Variants in DNAJB12 observed in about 807,000 individuals in gnomAD.
The protein encoded by DNAJB12 is DnaJ heat shock protein family (Hsp40) member B12.
In DNAJB12, 14 loss-of-function variants were observed where a neutral mutation model predicts 40.6. The observed-to-expected ratio is 0.34, with a 90% CI of 0.23 to 0.54. The LOEUF (loss-of-function observed/expected upper bound fraction) is 0.54. DNAJB12 is among the 20% of genes least tolerant of loss of function. The pLI, the probability that DNAJB12 is intolerant of heterozygous loss-of-function variation, is 0.92. For missense variants in DNAJB12, 444 were observed against 501.7 expected, an observed-to-expected ratio of 0.89 and a Z score of 1.10; for synonymous variants, 181 against 199.5, an observed-to-expected ratio of 0.91 and a Z score of 0.78.
At chr10:72,351,161 A>G (rs1053183343) in intron 1 of DNAJB12, among the ~76,000 whole-genome samples, 2 of 152,110 alleles carry the variant, frequency 1.3e-5, no homozygotes, top group African/African-American at 4.8e-5. Flanking sequence ...CACCTTCCAC[A>G]TTTGTTACAA....
At position 72,354,846 on chromosome 10, in the gene DNAJB12, CCTTGAGGGCGATGCTGATACAGCG is replaced by C. The variant is rs1564826113; in HGVS notation, c.28_51del (p.Arg10_Lys17del). On this transcript the variant is annotated inframe_deletion, in exon 1 of 9. Transcript: ENST00000444643. ...CGGTCGGGCTGGTTGCTCTGGATGG[CCTTGAGGGCGATGCTGATACAGCG>C]CTCAGCTTCATCCTTGTTGGATTCC... 6.2e-7 allele frequency: 1 copy of C among 1,614,114 alleles called. No individual in the cohort carries two copies. Among genetic ancestry groups the C allele is most frequent in the South Asian group, 1.1e-5 (1 of 91,086 alleles).
Position 72,340,868 on chromosome 10 carries a change from C to G in DNAJB12, c.644G>C (p.Ser215Thr). The G allele has an allele frequency of 6.2e-7, 1 of 1,613,966 alleles. No homozygotes were observed. The highest frequency in any genetic ancestry group is 8.5e-7 in the Non-Finnish European group (1 of 1,179,926). ...NMFFGGGFPSSNVHVYSNGRM... is the reference protein window; with the variant it reads ...NMFFGGGFPSTNVHVYSNGRM... Reference sequence around the variant, plus strand: ...GCCGTTGCTGTAGACGTGGACGTTACCTGGGGGTCAGAGGGGCTGAGTCAG... The same window carrying G: ...GCCGTTGCTGTAGACGTGGACGTTAGCTGGGGGTCAGAGGGGCTGAGTCAG... Residue 215 changes from serine to threonine, a missense_variant and splice_region_variant, in exon 5 of 9, where the codon AGT (serine) becomes ACT (threonine). Ser to Thr is a moderately conservative substitution (Grantham distance 58). Transcript: ENST00000444643.
At position 72,342,390 on chromosome 10, in the gene DNAJB12, C is replaced by T. The variant is rs562605184; in HGVS notation, c.457+976G>A. On this transcript the variant is annotated intron_variant, in intron 3 of 8. Coordinates refer to ENST00000444643, the MANE Select transcript of DNAJB12 (RefSeq NM_017626.7). Reference sequence around the variant, plus strand: ...ATAAGGAGCGCGGAATCGTCTCCTCCGCCAATTCTGAATAGGCCTCAAGGC... The same window carrying T: ...ATAAGGAGCGCGGAATCGTCTCCTCTGCCAATTCTGAATAGGCCTCAAGGC... Among the ~76,000 whole-genome samples the T allele has an allele frequency of 1.3e-3, 193 of 152,356 alleles. 1 individual carries two copies. Among genetic ancestry groups the T allele is most frequent in the African/African-American group, 4.0e-3 (167 of 41,584 alleles).
chr10:72,351,694 C>A (rs1861939817), intron 1 of DNAJB12, among the ~76,000 whole-genome samples: 1 of 152,250 alleles, frequency 6.6e-6, no homozygotes, highest in Non-Finnish European at 1.5e-5. Context: ...GTGTTGCCTG[C>A]CATTGTGCCT....
chr10:72,342,910 G>T (rs1486308181), intron 3 of DNAJB12, among the ~76,000 whole-genome samples: 1 of 152,216 alleles, frequency 6.6e-6, no homozygotes, highest in Non-Finnish European at 1.5e-5. Context: ...TATAGGTATG[G>T]CGGGGGAGCT....
chr10:72,338,973 A>T (rs1861553271), intron 5 of DNAJB12, among the ~76,000 whole-genome samples: 1 of 152,084 alleles, frequency 6.6e-6, no homozygotes, highest in Non-Finnish European at 1.5e-5. Flanking sequence ...AAATAAAAAA[A>T]TTTTGATCAG....
At position 72,336,508 on chromosome 10, in the gene DNAJB12, T is replaced by C. The variant is rs575328952; in HGVS notation, c.1006+16A>G. 4 of 1,611,202 alleles carry C rather than the reference T, an allele frequency of 2.5e-6. No homozygotes were observed. The highest frequency in any genetic ancestry group is 1.7e-5 in the Admixed American group (1 of 59,944). On this transcript the variant is annotated intron_variant, in intron 7 of 8. Transcript: ENST00000444643. The stretch of plus-strand genomic sequence containing the variant: ...CCACCTCCCAAATACAGCCCCCGCC[T>C]TCCCCCCACACTCACTCTGCTGCTT...
At chr10:72,344,362 G>A (rs1280946092) in intron 2 of DNAJB12, among the ~76,000 whole-genome samples, 1 of 152,238 alleles carries the variant, frequency 6.6e-6, no homozygotes, top group East Asian at 1.9e-4. Flanking sequence ...GCTGTGGCAT[G>A]ACCCTGGGGG....
rs747169262 is a variant in DNAJB12 at position 72,336,581 on chromosome 10, C to T, written c.949G>A (p.Val317Met). 15 of 1,614,180 alleles carry T rather than the reference C, an allele frequency of 9.3e-6. No individual in the cohort carries two copies. Among genetic ancestry groups the T allele is most frequent in the Non-Finnish European group, 1.3e-5 (15 of 1,180,000 alleles). Residue 317 changes from valine to methionine, a missense_variant, in exon 7 of 9, where the codon GTG becomes ATG. Transcript: ENST00000444643. The part of the protein sequence containing the change: ...GSSLKTVERN[V>M]EDDYIANLRN... ...AGGTTGGCGATATAATCATCTTCCA[C>T]ATTCCGCTCGACTGTTTTGAGGCTG...
intron 1 of DNAJB12, 120 bp downstream of exon 1, chr10:72,354,645 T>A: frequency 2.1e-6 from 2 of 955,376 alleles, no homozygotes; most frequent in Admixed American, 5.4e-5. Context: ...CGCGCCTCAG[T>A]GCGCAGGCGT....
chr10:72,336,454 C>T (rs945072626), intron 7 of DNAJB12, 70 bp downstream of exon 7: 2 of 1,513,514 alleles, frequency 1.3e-6, no homozygotes, highest in South Asian at 1.2e-5. Context: ...GGGCTCTCTC[C>T]TTCCCCTGCT....
chr10:72,340,663 G>A, intron 5 of DNAJB12, 126 bp downstream of exon 5: 1 of 961,278 alleles, frequency 1.0e-6, no homozygotes, highest in South Asian at 1.5e-5. Context: ...CTCCTTGGCT[G>A]AGAGTTATGG....
At position 72,333,487 on chromosome 10, in the gene DNAJB12, C is replaced by G. The variant is rs1011378126; in HGVS notation, c.*1161G>C. ...GAGTGAAGACAGAGGCAGCCACGGG[C>G]ACTGCCTTTTCTTCAGGAGTCGAGG... On this transcript the variant is annotated 3_prime_UTR_variant, in exon 9 of 9. Coordinates refer to ENST00000444643, the MANE Select transcript of DNAJB12 (RefSeq NM_017626.7). 5.2e-5 allele frequency: 8 copies of G among 152,686 alleles called. No homozygotes were observed. Among genetic ancestry groups the G allele is most frequent in the African/African-American group, 1.7e-4 (7 of 41,470 alleles). 9.5% of individuals were successfully genotyped at this position (152,686 alleles called of 1,614,324 possible). A position where few individuals can be genotyped will look rare whatever the true frequency, so the allele number is the denominator to read the frequency against.
chr10:72,336,257 A>G (rs1861470753), intron 7 of DNAJB12, among the ~76,000 whole-genome samples: 1 of 152,158 alleles, frequency 6.6e-6, no homozygotes, highest in African/African-American at 2.4e-5. Flanking sequence ...GTCCATCTCT[A>G]CACACTCACC....
intron 6 of DNAJB12, 38 bp downstream of exon 6, chr10:72,338,164 C>T: frequency 6.3e-7 from 1 of 1,575,882 alleles, no homozygotes; most frequent in South Asian, 1.1e-5. Flanking sequence ...TTTAAAGCCC[C>T]TTGTCTGCCC....
At chr10:72,342,382 G>A (rs932452767) in intron 3 of DNAJB12, among the ~76,000 whole-genome samples, 7 of 152,194 alleles carry the variant, frequency 4.6e-5, no homozygotes, top group African/African-American at 1.7e-4. Flanking sequence ...GCGCGGAATC[G>A]TCTCCTCCGC....
chr10:72,352,839 T>G (rs1448876303), intron 1 of DNAJB12, among the ~76,000 whole-genome samples: 1 of 152,206 alleles, frequency 6.6e-6, no homozygotes. Flanking sequence ...GCATCTGGGA[T>G]GAGCCTAAAC....
At chr10:72,350,559 C>CA (rs1432382523) in intron 1 of DNAJB12, among the ~76,000 whole-genome samples, 1 of 152,094 alleles carries the variant, frequency 6.6e-6, no homozygotes, top group African/African-American at 2.4e-5. Context: ...TGAATGCCAG[C>CA]AAAAAACTCA....
At chr10:72,343,590 C>T (rs569056831) in intron 2 of DNAJB12, 79 bp from the exon 3 acceptor site, 62 of 1,516,932 alleles carry the variant, frequency 4.1e-5, no homozygotes, top group Non-Finnish European at 5.2e-5. Context: ...CCGTGTGGGG[C>T]GCACAGCTCT....
Sources: gnomAD v4.1 joint callset for allele counts (sites outside exome capture counted in the v4.1 genomes callset) on GRCh38, gnomAD v4.1.1 for gene constraint, MANE v1.5 for transcripts, NCBI Gene and HGNC (gene_info 2026-07-23, HGNC 2026-07-21) for gene names.